PALM2AKAP2: variants seen among roughly 807,000 people sequenced by gnomAD.
PALM2AKAP2 encodes the protein PALM2-AKAP2 fusion protein.
Under a neutral mutation model 71.5 loss-of-function variants are expected in PALM2AKAP2, and 37 were observed. The ratio of observed to expected loss-of-function variants is 0.52; its 90% CI spans 0.40 to 0.68. The LOEUF is 0.68. Ranked by LOEUF, PALM2AKAP2 falls within the 30% of genes least tolerant of loss-of-function variation. The pLI is 0.00. For synonymous variants in PALM2AKAP2, 468 were observed against 478.8 expected, an observed-to-expected ratio of 0.98 and a Z score of 0.29; for missense variants, 1,224 against 1,191.8, an observed-to-expected ratio of 1.03 and a Z score of -0.40.
chr9:109,691,318 G>A (rs917168544), intron 1 of PALM2AKAP2, among the ~76,000 whole-genome samples: 4 of 151,960 alleles, frequency 2.6e-5, no homozygotes, highest in Non-Finnish European at 5.9e-5. Flanking sequence ...TTTCCTTCCT[G>A]TCTTTTTCTT....
intron 3 of PALM2AKAP2, among the ~76,000 whole-genome samples, chr9:109,897,431 T>C (rs1162764286): frequency 6.6e-6 from 1 of 151,850 alleles, no homozygotes; most frequent in East Asian, 1.9e-4. Flanking sequence ...AATACAAAAA[T>C]TAGCCGGGCA....
At chr9:109,752,244 A>G (rs1828897034) in intron 1 of PALM2AKAP2, among the ~76,000 whole-genome samples, 1 of 152,170 alleles carries the variant, frequency 6.6e-6, no homozygotes, top group Non-Finnish European at 1.5e-5. Context: ...GAGTGAAGGT[A>G]GAATGCAAGA....
chr9:109,871,562 T>C (rs1829603323), intron 2 of PALM2AKAP2, among the ~76,000 whole-genome samples: 1 of 152,128 alleles, frequency 6.6e-6, no homozygotes, highest in Non-Finnish European at 1.5e-5. Flanking sequence ...ACATATGTAC[T>C]CTATACTTAC....
chr9:110,136,273 T>A (rs1187693996), exon 2 of PALM2AKAP2: 1 of 1,614,154 alleles, frequency 6.2e-7, no homozygotes, highest in Admixed American at 1.7e-5. Flanking sequence ...AATGTAAAAG[T>A]GTTCCTGGAA....
At chr9:110,132,926 A>G (rs535871360) in intron 1 of PALM2AKAP2, among the ~76,000 whole-genome samples, 35 of 152,234 alleles carry the variant, frequency 2.3e-4, no homozygotes, top group Non-Finnish European at 4.3e-4. Context: ...TAACTAGCAT[A>G]TTTTAAAATC....
intron 1 of PALM2AKAP2, among the ~76,000 whole-genome samples, chr9:109,642,976 A>G (rs1344775550): frequency 1.3e-5 from 2 of 151,824 alleles, no homozygotes; most frequent in African/African-American, 4.8e-5. Context: ...CTGAGCTATA[A>G]TTGCACCACT....
At chr9:110,023,348 C>CT (rs1393039366) in intron 7 of PALM2AKAP2, among the ~76,000 whole-genome samples, 81 of 106,736 alleles carry the variant, frequency 7.6e-4, no homozygotes, top group Admixed American at 3.7e-3. Context: ...GAGTTTCGCT[C>CT]TTGTCACCCA....
chr9:109,806,738 A>T (rs1443712534), intron 1 of PALM2AKAP2, among the ~76,000 whole-genome samples: 1 of 152,220 alleles, frequency 6.6e-6, no homozygotes, highest in African/African-American at 2.4e-5. Context: ...GCAAAAGGAA[A>T]GCCTAGTGTG....
intron 1 of PALM2AKAP2, among the ~76,000 whole-genome samples, chr9:109,791,263 ACT>A (rs1172179540): frequency 6.6e-6 from 1 of 152,156 alleles, no homozygotes; most frequent in East Asian, 1.9e-4. Context: ...GAAAATATTG[ACT>A]CTGAAAAATA....
At chr9:110,027,288 G>A (rs946107165) in intron 7 of PALM2AKAP2, among the ~76,000 whole-genome samples, 2 of 152,038 alleles carry the variant, frequency 1.3e-5, no homozygotes, top group African/African-American at 2.4e-5. Context: ...TTTATCCAAC[G>A]ACTGGATAAA....
At chr9:110,163,159 A>G (rs1021444160) in intron 3 of PALM2AKAP2, among the ~76,000 whole-genome samples, 10 of 151,844 alleles carry the variant, frequency 6.6e-5, no homozygotes, top group South Asian at 2.1e-4. Context: ...AATATTTTTC[A>G]TATTTTTATT....
At chr9:110,079,146 T>C (rs898375748) in intron 1 of PALM2AKAP2, among the ~76,000 whole-genome samples, 6 of 152,146 alleles carry the variant, frequency 3.9e-5, no homozygotes, top group Admixed American at 3.9e-4. Context: ...CTGGTTATGG[T>C]CAACATTTCA....
chr9:109,954,260 T>A (rs1831703507), intron 6 of PALM2AKAP2, among the ~76,000 whole-genome samples: 2 of 152,158 alleles, frequency 1.3e-5, no homozygotes, highest in East Asian at 1.9e-4. Context: ...ATTTCACCAC[T>A]GTCATAACAG....
At chr9:109,851,219 A>T (rs1278071364) in intron 1 of PALM2AKAP2, among the ~76,000 whole-genome samples, 1 of 148,982 alleles carries the variant, frequency 6.7e-6, no homozygotes, top group African/African-American at 2.6e-5. Flanking sequence ...CAAAAAAAAA[A>T]AAACACTACC....
intron 1 of PALM2AKAP2, among the ~76,000 whole-genome samples, chr9:109,798,747 A>G (rs1183578116): frequency 2.6e-5 from 4 of 152,220 alleles, no homozygotes; most frequent in Non-Finnish European, 5.9e-5. Context: ...ATATGTTCAC[A>G]GTTATTTAGA....
chr9:110,156,605 T>C, intron 3 of PALM2AKAP2, 108 bp downstream of exon 9: 1 of 1,356,804 alleles, frequency 7.4e-7, no homozygotes, highest in Non-Finnish European at 9.6e-7. Context: ...TGGTCAGCAT[T>C]AGGGTTCCAG....
chr9:109,822,593 G>A (rs1828039320), intron 1 of PALM2AKAP2, among the ~76,000 whole-genome samples: 1 of 152,100 alleles, frequency 6.6e-6, no homozygotes, highest in South Asian at 2.1e-4. Context: ...TATACTCAGT[G>A]TTTAGCTCCC....
At chr9:110,015,976 G>A (rs1465683225) in exon 7 of PALM2AKAP2, 2 of 1,613,984 alleles carry the variant, frequency 1.2e-6, no homozygotes, top group Admixed American at 1.7e-5. Flanking sequence ...AGAATGTGCT[G>A]CTAAAGGAAG....
chr9:109,987,197 C>T, intron 6 of PALM2AKAP2, among the ~76,000 whole-genome samples: 1 of 152,072 alleles, frequency 6.6e-6, no homozygotes, highest in East Asian at 1.9e-4. Context: ...TTGGCATGGT[C>T]TCAGCTCACT....
Sources: gnomAD v4.1 joint callset for allele counts (sites outside exome capture counted in the v4.1 genomes callset) on GRCh38, gnomAD v4.1.1 for gene constraint, MANE v1.5 for transcripts, NCBI Gene and HGNC (gene_info 2026-07-23, HGNC 2026-07-21) for gene names.